Variants in SEC23B observed in about 807,000 individuals in gnomAD.
SEC23B encodes the protein SEC23 homolog B, COPII component.
SEC23B carries 77 observed loss-of-function variants against 104.3 expected under a neutral mutation model. That is an observed-to-expected ratio of 0.74 (90% CI 0.61 to 0.89). The LOEUF is 0.89. Among genes scored for constraint, SEC23B ranks in the 40% least tolerant of loss-of-function variants. The pLI, the probability that SEC23B is intolerant of heterozygous loss-of-function variation, is 0.00. For synonymous variants in SEC23B, 338 were observed against 332.5 expected (o/e 1.02, Z -0.18); for missense variants, 885 against 949.4 (o/e 0.93, Z 0.89).
intron 9 of SEC23B, among the ~76,000 whole-genome samples, chr20:18,529,716 A>C (rs1016983656): frequency 1.3e-5 from 2 of 152,252 alleles, no homozygotes; most frequent in Admixed American, 1.3e-4. Flanking sequence ...CAGAACGCAC[A>C]TGCCAACAGA....
At chr20:18,560,419 C>T (rs184831137) in intron 19 of SEC23B, among the ~76,000 whole-genome samples, 281 of 152,184 alleles carry the variant, frequency 1.8e-3, no homozygotes, top group African/African-American at 6.2e-3. Context: ...GCCTGATGCT[C>T]AAAACTAGCA....
intron 14 of SEC23B, among the ~76,000 whole-genome samples, chr20:18,545,668 G>A (rs1218041429): frequency 6.6e-6 from 1 of 152,168 alleles, no homozygotes; most frequent in Admixed American, 6.5e-5. Context: ...GCCTGGAAGA[G>A]CTCACCTAGC....
chr20:18,538,383 G>A (rs928428993), intron 12 of SEC23B, among the ~76,000 whole-genome samples: 16 of 151,654 alleles, frequency 1.1e-4, no homozygotes, highest in African/African-American at 3.9e-4. Flanking sequence ...CCGAGTAGCT[G>A]GGACTACAGG....
chr20:18,542,290 C>T lies in SEC23B; in HGVS notation c.1405-6C>T, dbSNP rs6045458. 3 of 1,613,728 alleles carry T rather than the reference C, an allele frequency of 1.9e-6. No individual in the cohort carries two copies. The highest frequency in any genetic ancestry group is 2.5e-6 in the Non-Finnish European group (3 of 1,179,646). ...ACAGACAAGGTTATGGCCTCTCATC[C>T]TACAGCACAACACCCCGATCCCCCA... On this transcript the variant is annotated splice_region_variant and splice_polypyrimidine_tract_variant and intron_variant, in intron 12 of 19. Coordinates refer to ENST00000650089, the MANE Select transcript of SEC23B (RefSeq NM_006363.6).
chr20:18,535,774 CT>C (rs764878892), intron 12 of SEC23B, 32 bp downstream of exon 12: 2 of 1,489,044 alleles, frequency 1.3e-6, no homozygotes, highest in South Asian at 2.3e-5. Context: ...GTCTTCATGT[CT>C]TAGTGTCCTG....
intron 12 of SEC23B, among the ~76,000 whole-genome samples, chr20:18,539,409 C>T (rs2060267209): frequency 6.9e-6 from 1 of 144,324 alleles, no homozygotes; most frequent in African/African-American, 2.6e-5. Context: ...ACTTGGGAGA[C>T]TGAGGCAGGA....
At chr20:18,554,993 A>G (rs891204712) in intron 18 of SEC23B, 115 bp from the exon 19 acceptor site, 2 of 404,728 alleles carry the variant, frequency 4.9e-6, no homozygotes, top group African/African-American at 2.8e-5. Flanking sequence ...ACTGTGCAGT[A>G]AAACAATTCT....
At chr20:18,512,321 T>A (rs760695417) in intron 3 of SEC23B, 39 bp downstream of exon 3, 3 of 1,289,616 alleles carry the variant, frequency 2.3e-6, no homozygotes, top group Non-Finnish European at 3.3e-6. Context: ...TATGTTTTAT[T>A]TTAGTTGTAT....
chr20:18,555,434 T>G (rs951615664), intron 19 of SEC23B, among the ~76,000 whole-genome samples: 1 of 152,134 alleles, frequency 6.6e-6, no homozygotes, highest in Non-Finnish European at 1.5e-5. Context: ...AGCACTGTAC[T>G]GTGGCCTCCA....
rs1220398639 is a variant in SEC23B, at chr20:18,551,140, G to T, written c.1957G>T (p.Asp653Tyr). 1 of 1,602,916 alleles carries T rather than the reference G, an allele frequency of 6.2e-7. No individual in the cohort carries two copies. The highest frequency in any genetic ancestry group is 2.2e-5 in the East Asian group (1 of 44,848). Residue 653 changes from aspartate (D) to tyrosine (Y), a missense_variant, in exon 17 of 20, where the codon GAT (aspartate) becomes TAT (tyrosine). Physicochemically the swap from Asp to Tyr is radical, Grantham distance 160 (BLOSUM62 -3). Transcript: ENST00000650089. ...TCTAGCTGACAGAATTTTGCTGATG[G>T]ATACTTTCTTTCAAATTGTCATTTA... Reference protein sequence around the residue: ...SILADRILLMDTFFQIVIYLG... With the variant: ...SILADRILLMYTFFQIVIYLG...
At chr20:18,509,447 T>C (rs190010341) in intron 1 of SEC23B, among the ~76,000 whole-genome samples, 5 of 152,342 alleles carry the variant, frequency 3.3e-5, no homozygotes, top group African/African-American at 1.2e-4. Context: ...CTACTTTTCT[T>C]GAGGGGCTTG....
chr20:18,554,304 C>G lies in SEC23B; in HGVS notation c.2062C>G (p.Gln688Glu), dbSNP rs777585734. ...PEYENFKHLL[Q>E]APLDDAQEIL... ...GTATGAAAACTTCAAGCACCTTCTG[C>G]AGGCACCACTGGATGATGCTCAAGA... The change falls in exon 18 of 20, where the codon CAG (glutamine) becomes GAG (glutamate). Residue 688 changes from glutamine to glutamate, a missense_variant. Physicochemically the swap from Gln to Glu is conservative, Grantham distance 29 (BLOSUM62 2). Coordinates refer to ENST00000650089, the MANE Select transcript of SEC23B (RefSeq NM_006363.6). The G allele has an allele frequency of 6.2e-7, 1 of 1,614,044 alleles. No homozygotes were observed. Among genetic ancestry groups the G allele is most frequent in the African/African-American group, 1.3e-5 (1 of 74,924 alleles).
intron 4 of SEC23B, among the ~76,000 whole-genome samples, chr20:18,524,169 G>C (rs1038069564): frequency 6.6e-6 from 1 of 152,126 alleles, no homozygotes; most frequent in Admixed American, 6.5e-5. Flanking sequence ...TGTTCACTGT[G>C]TGTCCCAGGA....
chr20:18,556,235 G>A (rs1289983490), intron 19 of SEC23B, among the ~76,000 whole-genome samples: 4 of 152,104 alleles, frequency 2.6e-5, no homozygotes, highest in African/African-American at 9.7e-5. Flanking sequence ...GCCAAGGACT[G>A]GTACTATCCG....
At chr20:18,545,243 G>C (rs1330704868) in intron 14 of SEC23B, among the ~76,000 whole-genome samples, 1 of 152,162 alleles carries the variant, frequency 6.6e-6, no homozygotes, top group Non-Finnish European at 1.5e-5. Context: ...GGAGTCCACA[G>C]TTAGGGGGAG....
chr20:18,530,748 C>T lies in SEC23B; in HGVS notation c.1178C>T (p.Thr393Ile), dbSNP rs1161497086. The T allele has an allele frequency of 6.2e-7, 1 of 1,612,634 alleles. No homozygotes were observed. Among genetic ancestry groups the T allele is most frequent in the Non-Finnish European group, 8.5e-7 (1 of 1,178,922 alleles). ...LFKQTFQRIF[T>I]KDFNGDFRMA... ...AAGCAGACATTCCAAAGAATCTTTA[C>T]TAAAGATTTTAATGGAGATTTCCGA... is the stretch of plus-strand genomic sequence containing the variant. The change falls in exon 10 of 20, where the codon ACT becomes ATT. Residue 393 changes from threonine (T) to isoleucine (I), a missense_variant. By Grantham distance (89) the Thr-to-Ile change is moderately conservative. Coordinates refer to ENST00000650089, the MANE Select transcript of SEC23B (RefSeq NM_006363.6).
chr20:18,537,574 T>G (rs1294191006), intron 12 of SEC23B, among the ~76,000 whole-genome samples: 1 of 151,188 alleles, frequency 6.6e-6, no homozygotes, highest in Non-Finnish European at 1.5e-5. Context: ...CATCACACTC[T>G]GGGGACTGTT....
At position 18,511,040 on chromosome 20, in the gene SEC23B, G is replaced by A. The variant is rs1169161177; in HGVS notation, c.205G>A (p.Val69Ile). The change falls in exon 2 of 20, where the codon GTT becomes ATT. Residue 69 changes from valine to isoleucine, a missense_variant. By Grantham distance (29) the Val-to-Ile change is conservative (BLOSUM62 3). Transcript: ENST00000650089. Reference sequence around the variant, plus strand: ...TTGCAGCAGGCCAACTTGTAAAGCTGTTCTCAACCCACTTTGGTATGGATT... The same window carrying A: ...TTGCAGCAGGCCAACTTGTAAAGCTATTCTCAACCCACTTTGGTATGGATT... The part of the protein sequence containing the change: ...VLCSRPTCKA[V>I]LNPLCQVDYR... 6.2e-7 allele frequency: 1 copy of A among 1,612,698 alleles called. No homozygotes were observed. The highest frequency in any genetic ancestry group is 1.1e-5 in the South Asian group (1 of 91,058).
In SEC23B at chr20:18,555,148, A is replaced by C; in HGVS notation, c.2189A>C (p.His730Pro). Reference protein sequence around the residue: ...LLSKVNPSQTHNNLYAWGQET... With the variant: ...LLSKVNPSQTPNNLYAWGQET... ...TCCAAAGTGAACCCATCTCAGACAC[A>C]CAATAACCTGTATGCTTGGGGACAG... is the stretch of plus-strand genomic sequence containing the variant. Residue 730 changes from histidine (H) to proline (P), a missense_variant, in exon 19 of 20, where the codon CAC becomes CCC. Physicochemically the swap from His to Pro is moderately conservative, Grantham distance 77. Coordinates refer to ENST00000650089, the MANE Select transcript of SEC23B (RefSeq NM_006363.6). 1 of 1,613,934 alleles carries C rather than the reference A, an allele frequency of 6.2e-7. No homozygotes were observed. The highest frequency in any genetic ancestry group is 8.5e-7 in the Non-Finnish European group (1 of 1,179,812).
Sources: allele counts gnomAD v4.1 joint callset (sites outside exome capture counted in the v4.1 genomes callset), GRCh38; gene constraint gnomAD v4.1.1; transcripts MANE v1.5; gene names NCBI Gene and HGNC (gene_info 2026-07-23, HGNC 2026-07-21).